GRK2: variants seen among roughly 807,000 people sequenced by gnomAD.
GRK2 encodes adrenergic beta receptor kinase 1.
A neutral mutation model predicts 97.8 loss-of-function variants in GRK2; 23 were observed. The ratio of observed to expected loss-of-function variants is 0.24; its 90% CI spans 0.17 to 0.33. The LOEUF (loss-of-function observed/expected upper bound fraction) is 0.33. Ranked by LOEUF, GRK2 falls within the 10% of genes least tolerant of loss-of-function variation. The pLI, the probability that GRK2 is intolerant of heterozygous loss-of-function variation, is 1.00. For synonymous variants in GRK2, 425 were observed against 381.7 expected, an observed-to-expected ratio of 1.11 and a Z score of -1.32; for missense variants, 633 against 956.9, an observed-to-expected ratio of 0.66 and a Z score of 4.47.
intron 1 of GRK2, among the ~76,000 whole-genome samples, chr11:67,274,527 T>G (rs1295765417): frequency 7.0e-6 from 1 of 141,870 alleles, no homozygotes; most frequent in Non-Finnish European, 1.5e-5. Context: ...TTTTTTGCTT[T>G]TTTTCATCCC....
At position 67,283,133 on chromosome 11, in the gene GRK2, G is replaced by A. The variant is rs767326527; in HGVS notation, c.1233G>A (p.Val411=). The change falls in exon 15 of 21, where the codon GTG becomes GTA. Residue 411 remains valine, a synonymous_variant. Coordinates refer to ENST00000308595, the MANE Select transcript of GRK2 (RefSeq NM_001619.5). The part of the protein sequence containing the change: ...EIDRMTLTMA[V]ELPDSFSPEL... The stretch of plus-strand genomic sequence containing the variant: ...TGTCCCACTCCTCTCTAAAGGCCGT[G>A]GAGCTGCCCGACTCCTTCTCCCCTG... The A allele has an allele frequency of 6.8e-6, 11 of 1,613,886 alleles. No individual in the cohort carries two copies. In the South Asian group the frequency reaches 1.2e-4, roughly 18 times the overall value.
chr11:67,283,276 G>T, intron 15 of GRK2, 48 bp downstream of exon 15: 1 of 1,532,496 alleles, frequency 6.5e-7, no homozygotes. Context: ...GCCCCCATGA[G>T]GACAAGGGCT....
At chr11:67,278,275 TGA>T (rs1476783767) in intron 2 of GRK2, among the ~76,000 whole-genome samples, 1 of 152,170 alleles carries the variant, frequency 6.6e-6, no homozygotes, top group Non-Finnish European at 1.5e-5. Flanking sequence ...CCCGAAGGCA[TGA>T]GAGGCCACCC....
chr11:67,271,437 G>A (rs1859905162), intron 1 of GRK2, among the ~76,000 whole-genome samples: 2 of 152,232 alleles, frequency 1.3e-5, no homozygotes, highest in African/African-American at 2.4e-5. Context: ...TCTGACTCTA[G>A]AGCCATTTCG....
chr11:67,281,652 C>T lies in GRK2; in HGVS notation c.750C>T (p.Asp250=), dbSNP rs1439677837. 9 of 1,604,642 alleles carry T rather than the reference C, an allele frequency of 5.6e-6. No individual in the cohort carries two copies. The highest frequency in any genetic ancestry group is 6.0e-6 in the Non-Finnish European group (7 of 1,172,632). Residue 250 remains aspartate (D), a splice_region_variant and synonymous_variant, in exon 10 of 21, where the codon GAC becomes GAT. Transcript: ENST00000308595. The surrounding 1 kb of genome is among the most constrained non-coding windows in gnomAD (Gnocchi z 5.7). Reference sequence around the variant, plus strand: ...CCTCCCCTCCTCTCCCCTCCTAGGACTGCCCATTCATTGTCTGCATGTCAT... The same window carrying T: ...CCTCCCCTCCTCTCCCCTCCTAGGATTGCCCATTCATTGTCTGCATGTCAT... The part of the protein sequence containing the change: ...RIMLSLVSTG[D]CPFIVCMSYA...
Position 67,281,561 on chromosome 11 carries a change from G to A in GRK2, c.747+3G>A. On this transcript the variant is annotated splice_donor_region_variant and intron_variant, in intron 9 of 20. Transcript: ENST00000308595. This position sits in a 1 kb window ranked among gnomAD's most constrained non-coding sequence, Gnocchi z 5.7. ...TGCTCTCGCTCGTCAGCACTGGGGTGAGCTGGGTGGGCCGGGCTGCCGCTG... is the reference window on the plus strand; with the variant it reads ...TGCTCTCGCTCGTCAGCACTGGGGTAAGCTGGGTGGGCCGGGCTGCCGCTG... 1.9e-6 allele frequency: 3 copies of A among 1,613,280 alleles called. No homozygotes were observed.
intron 5 of GRK2, 41 bp downstream of exon 5, chr11:67,279,741 G>T (rs760640807): frequency 3.7e-5 from 60 of 1,613,218 alleles, no homozygotes; most frequent in Non-Finnish European, 1.3e-5. Flanking sequence ...GGTCACCTTG[G>T]ACAGCCCCTG....
intron 1 of GRK2, among the ~76,000 whole-genome samples, chr11:67,275,450 G>A (rs913171081): frequency 6.6e-6 from 1 of 151,678 alleles, no homozygotes; most frequent in Non-Finnish European, 1.5e-5. Context: ...CCCGGTCCCC[G>A]ACAGCCTGAG....
At position 67,284,318 on chromosome 11, in the gene GRK2, A is replaced by G. The variant is rs778805125; in HGVS notation, c.1599A>G (p.Thr533=). 2 of 1,613,310 alleles carry G rather than the reference A, an allele frequency of 1.2e-6. No homozygotes were observed. The highest frequency in any genetic ancestry group is 1.1e-5 in the South Asian group (1 of 91,090). ...ETVFDTINAE[T]DRLEARKKAK... is the part of the protein sequence containing the mutation. ...TCTTCGACACCATCAACGCTGAGAC[A>G]GACCGGCTGGAGGCTCGCAAGAAAG... is the stretch of plus-strand genomic sequence containing the variant. The change falls in exon 18 of 21, where the codon ACA becomes ACG. Residue 533 remains threonine, a synonymous_variant. Transcript: ENST00000308595.
At position 67,284,982 on chromosome 11, in the gene GRK2, C is replaced by T. The variant is rs1046223737; in HGVS notation, c.1790C>T (p.Pro597Leu). The stretch of plus-strand genomic sequence containing the variant: ...GAGTGGCGGGGCGAGGGCGAGGCCC[C>T]GGTAAGGAGCCCGTGCGGGGGTCCG... Reference protein sequence around the residue: ...RLEWRGEGEAPQSLLTMEEIQ... With the variant: ...RLEWRGEGEALQSLLTMEEIQ... Residue 597 changes from proline (P) to leucine (L), a missense_variant and splice_region_variant, in exon 19 of 21, where the codon CCG becomes CTG. Around this residue, in one of 4 missense-constraint regions of GRK2, gnomAD observed 180 missense variants for 311.3 expected, o/e 0.58. Coordinates refer to ENST00000308595, the MANE Select transcript of GRK2 (RefSeq NM_001619.5). The T allele has an allele frequency of 3.7e-6, 6 of 1,612,440 alleles. No individual in the cohort carries two copies. Among genetic ancestry groups the T allele is most frequent in the East Asian group, 4.5e-5 (2 of 44,846 alleles).
chr11:67,278,707 A>G (rs1204006574), intron 2 of GRK2, among the ~76,000 whole-genome samples: 1 of 152,220 alleles, frequency 6.6e-6, no homozygotes, highest in Non-Finnish European at 1.5e-5. Context: ...GTGTGGCCTC[A>G]GAGCCCCCTG....
chr11:67,282,240 C>T lies in GRK2; in HGVS notation c.958-31C>T, dbSNP rs1860168329. The T allele has an allele frequency of 6.2e-7, 1 of 1,605,530 alleles. No individual in the cohort carries two copies. The highest frequency in any genetic ancestry group is 1.3e-5 in the African/African-American group (1 of 74,792). On this transcript the variant is annotated intron_variant, in intron 11 of 20. Transcript: ENST00000308595. The surrounding 1 kb of genome is among the most constrained non-coding windows in gnomAD (Gnocchi z 6.9). ...CCTGGCTGGGCCCCATCCTGAGCTGCCCCAGGCAGCTCACTGGGCTTCCTT... is the reference window on the plus strand; with the variant it reads ...CCTGGCTGGGCCCCATCCTGAGCTGTCCCAGGCAGCTCACTGGGCTTCCTT...
At chr11:67,271,356 G>A (rs560707775) in intron 1 of GRK2, among the ~76,000 whole-genome samples, 1 of 152,330 alleles carries the variant, frequency 6.6e-6, no homozygotes, top group Admixed American at 6.5e-5. Context: ...AAAAGGACGC[G>A]TCTATGCTGG....
rs1000570063 is a variant in GRK2, at chr11:67,278,372, G to A, written c.191-828G>A. ...TAGTGCTCGGGGGCCGGGGTCCAGG[G>A]TCCAGGCCCCTTACTCAGGCATGAG... is the stretch of plus-strand genomic sequence containing the variant. On this transcript the variant is annotated intron_variant, in intron 2 of 20. Coordinates refer to ENST00000308595, the MANE Select transcript of GRK2 (RefSeq NM_001619.5). Among the ~76,000 whole-genome samples, 7 of 152,132 alleles carry A rather than the reference G, an allele frequency of 4.6e-5. No homozygotes were observed. In the South Asian group the frequency reaches 1.4e-3, roughly 31 times the overall value.
chr11:67,281,619 G>GGGCGGC lies in GRK2; in HGVS notation c.748-31_748-30insGGCGGC. On this transcript the variant is annotated intron_variant, in intron 9 of 20. Coordinates refer to ENST00000308595, the MANE Select transcript of GRK2 (RefSeq NM_001619.5). The surrounding 1 kb of genome is among the most constrained non-coding windows in gnomAD (Gnocchi z 5.7). ...GGAACCCCGGGCGCCCCTGCTAACT[G>GGGCGGC]CCCGCCCCCTCCCCTCCTCTCCCCT... The GGGCGGC allele has an allele frequency of 6.3e-7, 1 of 1,575,238 alleles. No individual in the cohort carries two copies. Among genetic ancestry groups the GGGCGGC allele is most frequent in the Non-Finnish European group, 8.7e-7 (1 of 1,146,112 alleles).
Position 67,286,328 on chromosome 11 carries a change from C to A in GRK2, c.*878C>A. 1 of 680,088 alleles carries A rather than the reference C, an allele frequency of 1.5e-6. No individual in the cohort carries two copies. The allele number at this position is 680,088 out of a possible 1,614,324, so 42.1% of individuals were successfully genotyped here. On this transcript the variant is annotated 3_prime_UTR_variant, in exon 21 of 21. Transcript: ENST00000308595. ...ATCAGTGTACCCCCGCCCAGGCTGG[C>A]CAGCCCCACAGCCCACGTCCTGTCA...
intron 20 of GRK2, 27 bp downstream of exon 20, chr11:67,285,215 G>C (rs1340050506): frequency 2.5e-6 from 4 of 1,612,684 alleles, no homozygotes; most frequent in Non-Finnish European, 3.4e-6. Context: ...CCAGGGATGG[G>C]AGGGCCGAGG....
In GRK2 at chr11:67,281,303, T is replaced by C; in HGVS notation, c.647+119T>C. 1 of 1,099,098 alleles carries C rather than the reference T, an allele frequency of 9.1e-7. No homozygotes were observed. Among genetic ancestry groups the C allele is most frequent in the Non-Finnish European group, 1.3e-6 (1 of 747,178 alleles). The allele number at this position is 1,099,098 out of a possible 1,614,324, so 68.1% of individuals were successfully genotyped here. On this transcript the variant is annotated intron_variant, in intron 8 of 20. Transcript: ENST00000308595. The surrounding 1 kb of genome is among the most constrained non-coding windows in gnomAD (Gnocchi z 5.7). ...TCCATGCACTCCTGTCTTGCCGTGC[T>C]GTTACCCCCGCAGGCTCCTCTGGCC... is the stretch of plus-strand genomic sequence containing the variant.
At chr11:67,284,678 A>C in intron 18 of GRK2, 169 bp from the exon 19 acceptor site, 8 of 935,576 alleles carry the variant, frequency 8.6e-6, no homozygotes, top group Non-Finnish European at 1.1e-5. Flanking sequence ...ACTCCCAGCT[A>C]CCCGGGAGGC....
Sources: allele counts gnomAD v4.1 joint callset (sites outside exome capture counted in the v4.1 genomes callset), GRCh38; gene constraint gnomAD v4.1.1; regional missense constraint gnomAD v4.1.1; non-coding constraint Gnocchi (gnomAD v3.1); transcripts MANE v1.5; gene names NCBI Gene and HGNC (gene_info 2026-07-23, HGNC 2026-07-21).